The following FAM83A variants were observed in gnomAD, a reference collection of about 807,000 sequenced individuals.
FAM83A encodes the protein protein FAM83A.
FAM83A carries 21 observed loss-of-function variants against 24.4 expected under a neutral mutation model. The ratio of observed to expected loss-of-function variants is 0.86; its 90% CI spans 0.61 to 1.24. The LOEUF is 1.24. Among genes scored for constraint, FAM83A ranks in the 50% most tolerant of loss-of-function variants. The pLI, the probability that FAM83A is intolerant of heterozygous loss-of-function variation, is 0.00. For synonymous variants in FAM83A, 270 were observed against 252.4 expected, an observed-to-expected ratio of 1.07 and a Z score of -0.66; for missense variants, 617 against 579.8, an observed-to-expected ratio of 1.06 and a Z score of -0.66.
At chr8:123,182,632 C>T (rs1255749824), upstream of FAM83A, 1 of 752,130 alleles carries the variant, frequency 1.3e-6, no homozygotes, top group Non-Finnish European at 2.3e-6. Flanking sequence ...GCAGGTGGCC[C>T]TGAGAGATAA....
chr8:123,207,115 T>TC, intron 3 of FAM83A, 42 bp from the exon 4 acceptor site: 1 of 845,058 alleles, frequency 1.2e-6, no homozygotes, highest in Non-Finnish European at 1.6e-6. Flanking sequence ...TCCCCATCCT[T>TC]CCCCCTTCTC....
At chr8:123,195,948 C>G (rs1824135765) in intron 3 of FAM83A, among the ~76,000 whole-genome samples, 1 of 152,280 alleles carries the variant, frequency 6.6e-6, no homozygotes, top group Non-Finnish European at 1.5e-5. Flanking sequence ...ATAACTTTCT[C>G]TCCATCCCAT....
At chr8:123,186,543 T>C (rs1326455087) in intron 1 of FAM83A, among the ~76,000 whole-genome samples, 1 of 152,154 alleles carries the variant, frequency 6.6e-6, no homozygotes, top group Non-Finnish European at 1.5e-5. Context: ...AATTCCTTTA[T>C]TCCAGGCTGG....
chr8:123,183,280 G>A (rs780955569), exon 1 of FAM83A: 127 of 1,613,044 alleles, frequency 7.9e-5, no homozygotes, highest in East Asian at 2.9e-4. Flanking sequence ...CTTCCAGACC[G>A]TCAAGCACAA....
intron 2 of FAM83A, among the ~76,000 whole-genome samples, chr8:123,193,092 A>T (rs1003331281): frequency 6.6e-6 from 1 of 152,168 alleles, no homozygotes; most frequent in Admixed American, 6.5e-5. Flanking sequence ...AGACTCCCAC[A>T]CTTTACCCAC....
intron 3 of FAM83A, among the ~76,000 whole-genome samples, chr8:123,196,706 G>C (rs1044658648): frequency 2.2e-4 from 33 of 152,264 alleles, no homozygotes; most frequent in Admixed American, 6.5e-5. Flanking sequence ...GTTCGTCAAG[G>C]CTATTTCACC....
At chr8:123,193,793 G>A (rs1171089626) in intron 2 of FAM83A, among the ~76,000 whole-genome samples, 1 of 152,230 alleles carries the variant, frequency 6.6e-6, no homozygotes, top group Non-Finnish European at 1.5e-5. Flanking sequence ...CATGGCAGAA[G>A]GAGTGAGGCA....
chr8:123,192,919 C>T (rs945296143), intron 2 of FAM83A: 3 of 152,266 alleles, frequency 2.0e-5, no homozygotes, highest in Non-Finnish European at 2.9e-5. Context: ...GTACTCTGCT[C>T]ACCATAGGAC....
chr8:123,209,837 T>G lies in FAM83A; in HGVS notation c.*2149T>G, dbSNP rs1362514072. 4.9e-6 allele frequency: 2 copies of G among 411,244 alleles called. No individual in the cohort carries two copies. Among genetic ancestry groups the G allele is most frequent in the Admixed American group, 7.2e-5 (2 of 27,962 alleles). 25.5% of individuals were successfully genotyped at this position (411,244 alleles called of 1,614,324 possible). ...CACCTGTAACATGTGATGCGCTGCCTGCTGGGAGGTTAGGTCGGGGCTGCC... is the reference window on the plus strand; with the variant it reads ...CACCTGTAACATGTGATGCGCTGCCGGCTGGGAGGTTAGGTCGGGGCTGCC... On this transcript the variant is annotated 3_prime_UTR_variant, in exon 4 of 4. Transcript: ENST00000690554. This position sits in a 1 kb window ranked among gnomAD's most constrained non-coding sequence, Gnocchi z 4.7.
intron 3 of FAM83A, among the ~76,000 whole-genome samples, chr8:123,204,615 A>G (rs1824478289): frequency 6.6e-6 from 1 of 151,490 alleles, no homozygotes; most frequent in South Asian, 2.1e-4. Context: ...CAAAAAAATT[A>G]GCCGGGCATG....
chr8:123,196,840 A>G (rs1170050456), intron 3 of FAM83A, among the ~76,000 whole-genome samples: 2 of 152,184 alleles, frequency 1.3e-5, no homozygotes, highest in African/African-American at 4.8e-5. Context: ...AGGCCTCCCC[A>G]AGTCTGGGAA....
chr8:123,191,624 C>T (rs1426641459), intron 1 of FAM83A, among the ~76,000 whole-genome samples, 179 bp from the exon 2 acceptor site: 1 of 152,160 alleles, frequency 6.6e-6, no homozygotes, highest in East Asian at 1.9e-4. Context: ...GCCTCCACTC[C>T]AGCTCTTCCT....
chr8:123,209,264 C>T lies in FAM83A; in HGVS notation c.*1576C>T, dbSNP rs536698780. 81 of 1,284,684 alleles carry T rather than the reference C, an allele frequency of 6.3e-5. No individual in the cohort carries two copies. Among genetic ancestry groups the T allele is most frequent in the South Asian group, 7.8e-5 (3 of 38,522 alleles). The allele number at this position is 1,284,684 out of a possible 1,614,324, so 79.6% of individuals were successfully genotyped here. ...CCTCCTGGTGGCCTCTGACCCCTGA[C>T]GGCCTGTGGCATCCTCCCTAGTCCC... On this transcript the variant is annotated 3_prime_UTR_variant, in exon 4 of 4. Coordinates refer to ENST00000690554, the Ensembl canonical transcript of FAM83A. The surrounding 1 kb of genome is among the most constrained non-coding windows in gnomAD (Gnocchi z 4.7).
intron 1 of FAM83A, among the ~76,000 whole-genome samples, 196 bp from the exon 2 acceptor site, chr8:123,191,607 C>T (rs527399242): frequency 5.3e-5 from 8 of 152,256 alleles, no homozygotes; most frequent in African/African-American, 9.6e-5. Flanking sequence ...TCAGGACAGG[C>T]GCAGGGGCCT....
At chr8:123,193,992 A>C (rs1554629649) in intron 2 of FAM83A, 32 bp from the exon 3 acceptor site, 1 of 1,613,574 alleles carries the variant, frequency 6.2e-7, no homozygotes, top group South Asian at 1.1e-5. Context: ...AAACAGAATT[A>C]GGAAGTGACA....
chr8:123,194,506 T>C lies in FAM83A; in HGVS notation c.773+358T>C, dbSNP rs921982297. Reference sequence around the variant, plus strand: ...CATTGCTTTTTTTTTTTTTTTGAGATGGAGTCTCGCCCTGTCACCCAGGCT... The same window carrying C: ...CATTGCTTTTTTTTTTTTTTTGAGACGGAGTCTCGCCCTGTCACCCAGGCT... On this transcript the variant is annotated intron_variant, in intron 3 of 3. Transcript: ENST00000690554. Among the ~76,000 whole-genome samples the C allele has an allele frequency of 2.0e-5, 3 of 147,220 alleles. No individual in the cohort carries two copies. The Admixed American group carries it at 2.1e-4, about 10-fold the overall frequency.
intron 1 of FAM83A, among the ~76,000 whole-genome samples, chr8:123,188,469 C>T (rs989645171): frequency 4.6e-5 from 7 of 151,254 alleles, no homozygotes; most frequent in East Asian, 1.9e-4. Context: ...TTTCTTTTTT[C>T]GTTTCTTTTT....
exon 1 of FAM83A, chr8:123,182,799 C>A (rs1823641087): frequency 1.3e-6 from 2 of 1,500,128 alleles, no homozygotes; most frequent in Non-Finnish European, 1.8e-6. Flanking sequence ...CATTTGCTTC[C>A]CACATCTGGA....
intron 1 of FAM83A, 71 bp from the exon 2 acceptor site, chr8:123,191,732 G>A: frequency 6.5e-7 from 1 of 1,544,314 alleles, no homozygotes; most frequent in Non-Finnish European, 8.9e-7. Flanking sequence ...TGGGACTCAG[G>A]CAGTTTGGGT....
Sources: allele counts gnomAD v4.1 joint callset (sites outside exome capture counted in the v4.1 genomes callset), GRCh38; gene constraint gnomAD v4.1.1; non-coding constraint Gnocchi (gnomAD v3.1); transcripts MANE v1.5; gene names NCBI Gene and HGNC (gene_info 2026-07-23, HGNC 2026-07-21).